NECAB3: variants seen among roughly 807,000 people sequenced by gnomAD.
NECAB3 encodes the protein N-terminal EF-hand calcium-binding protein 3.
A neutral mutation model predicts 57.2 loss-of-function variants in NECAB3; 38 were observed. The observed-to-expected ratio is 0.66, with a 90% confidence interval of 0.51 to 0.87. The LOEUF is 0.87. Ranked by LOEUF, NECAB3 falls within the 40% of genes least tolerant of loss-of-function variation. The pLI, the probability that NECAB3 is intolerant of heterozygous loss-of-function variation, is 0.00. For missense variants in NECAB3, 474 were observed against 527.5 expected (o/e 0.90, Z 0.99); for synonymous variants, 223 against 222.6 (o/e 1.00, Z -0.02).
At chr20:33,674,827 GGTCCGT>G (rs1312128124), upstream of NECAB3, 2 of 152,290 alleles carry the variant, frequency 1.3e-5, no homozygotes, top group Admixed American at 6.5e-5. Flanking sequence ...GAAGCCCACA[GGTCCGT>G]GCGGCCGAAT....
Position 33,662,597 on chromosome 20 carries a change from G to A in NECAB3, c.388-2202C>T. The A allele has an allele frequency of 1.2e-5, 14 of 1,130,858 alleles. No homozygotes were observed. In the South Asian group the frequency reaches 1.6e-4, roughly 13 times the overall value. 70.1% of individuals were successfully genotyped at this position (1,130,858 alleles called of 1,614,324 possible). On this transcript the variant is annotated intron_variant, in intron 5 of 11. Coordinates refer to ENST00000246190, the MANE Select transcript of NECAB3 (RefSeq NM_031232.4). Reference sequence around the variant, plus strand: ...TGCAGAAGTCCTAGGGGGTGAGGGAGGAATTCGAAAATCTCTCCCAAGGAT... The same window carrying A: ...TGCAGAAGTCCTAGGGGGTGAGGGAAGAATTCGAAAATCTCTCCCAAGGAT...
Position 33,660,285 on chromosome 20 carries a change from G to A in NECAB3, c.498C>T (p.Thr166=). The A allele has an allele frequency of 6.2e-7, 1 of 1,613,216 alleles. No individual in the cohort carries two copies. The highest frequency in any genetic ancestry group is 1.1e-5 in the South Asian group (1 of 91,082). Residue 166 remains threonine (T), a synonymous_variant, in exon 6 of 12, where the codon ACC becomes ACT. Coordinates refer to ENST00000246190, the MANE Select transcript of NECAB3 (RefSeq NM_031232.4). The surrounding 1 kb of genome is among the most constrained non-coding windows in gnomAD (Gnocchi z 4.1). ...LQSSLEGASD[T]LEAQAHGWRS... ...GCCAGCCATGGGCCTGGGCCTCCAG[G>A]GTATCTGACGCCCCCTCCAGCGAGC...
rs1280962203 is a variant in NECAB3 at position 33,663,380 on chromosome 20, C to T, written c.388-2985G>A. Reference sequence around the variant, plus strand: ...CCCGCGGCCTGAATTGGACAGGGGTCCCCTCCAGCCCTGTGCACGAGAGGA... The same window carrying T: ...CCCGCGGCCTGAATTGGACAGGGGTTCCCTCCAGCCCTGTGCACGAGAGGA... On this transcript the variant is annotated intron_variant, in intron 5 of 11. Transcript: ENST00000246190. The T allele has an allele frequency of 2.3e-5, 18 of 793,432 alleles. No homozygotes were observed. The East Asian group carries it at 5.6e-4, about 25-fold the overall frequency. 49.1% of individuals were successfully genotyped at this position (793,432 alleles called of 1,614,324 possible).
chr20:33,674,140 G>A lies in NECAB3; in HGVS notation c.129+84C>T, dbSNP rs1255017468. The A allele has an allele frequency of 5.8e-6, 7 of 1,200,922 alleles. No individual in the cohort carries two copies. The East Asian group carries it at 2.0e-4, about 35-fold the overall frequency. The allele number at this position is 1,200,922 out of a possible 1,614,324, so 74.4% of individuals were successfully genotyped here. On this transcript the variant is annotated intron_variant, in intron 1 of 11. Transcript: ENST00000246190. ...AGAGGGGAAGAGACCCAGAAACAGC[G>A]GCGGGGCCCGAACAACCCCGGAGGG...
intron 1 of NECAB3, 118 bp downstream of exon 1, chr20:33,674,106 G>C (rs764594199): frequency 5.8e-5 from 62 of 1,072,800 alleles, no homozygotes; most frequent in Non-Finnish European, 6.7e-5. Context: ...GAAAACAGCA[G>C]GGCCAGAGAG....
rs2017329780 is a variant in NECAB3, at chr20:33,657,780, A to AGAGG, written c.*45_*48dup. 9 of 1,492,784 alleles carry AGAGG rather than the reference A, an allele frequency of 6.0e-6. No homozygotes were observed. Among genetic ancestry groups the AGAGG allele is most frequent in the Non-Finnish European group, 8.1e-6 (9 of 1,116,934 alleles). The allele number at this position is 1,492,784 out of a possible 1,614,324, so 92.5% of individuals were successfully genotyped here. On this transcript the variant is annotated 3_prime_UTR_variant, in exon 12 of 12. Transcript: ENST00000246190. ...TGGGCTGGCCAGTCCAGAAGGCTCC[A>AGAGG]GAGGGAGGCAGGCAGGGTCCCGGGG...
intron 5 of NECAB3, chr20:33,667,746 C>T: frequency 6.2e-7 from 1 of 1,612,526 alleles, no homozygotes; most frequent in Non-Finnish European, 8.5e-7. Flanking sequence ...TCAAGAAGCG[C>T]AGCTGCTACG....
chr20:33,667,911 G>A (rs765577847), intron 5 of NECAB3: 3 of 1,572,214 alleles, frequency 1.9e-6, no homozygotes, highest in Non-Finnish European at 2.6e-6. Flanking sequence ...AGGCTGAGCA[G>A]GGGCTGCCCG....
chr20:33,672,246 C>T (rs144954826), intron 2 of NECAB3, 152 bp downstream of exon 2: 3 of 916,444 alleles, frequency 3.3e-6, no homozygotes, highest in Non-Finnish European at 3.5e-6. Context: ...AACAGCACTT[C>T]CTCTGGGAAG....
At chr20:33,661,860 A>T (rs1038471506) in intron 5 of NECAB3, among the ~76,000 whole-genome samples, 1 of 152,220 alleles carries the variant, frequency 6.6e-6, no homozygotes, top group Non-Finnish European at 1.5e-5. Context: ...TATGTTGCCC[A>T]GGCTGGACTC....
At chr20:33,667,497 C>T in intron 5 of NECAB3, 4 of 1,491,686 alleles carry the variant, frequency 2.7e-6, no homozygotes, top group Non-Finnish European at 2.7e-6. Flanking sequence ...CCGCGTGCCA[C>T]ATGGCTAGCA....
chr20:33,671,081 A>G (rs1348495795), intron 2 of NECAB3, among the ~76,000 whole-genome samples: 1 of 152,172 alleles, frequency 6.6e-6, no homozygotes, highest in Non-Finnish European at 1.5e-5. Context: ...CAAGTGAAAA[A>G]ACAAGCAACA....
Position 33,660,479 on chromosome 20 carries a change from G to T in NECAB3, c.388-84C>A. The stretch of plus-strand genomic sequence containing the variant: ...GGTCCCCTGCCTCTTGCCCATCAGA[G>T]CAGCGGTGGCAGTGCCAAGAGCAGG... On this transcript the variant is annotated intron_variant, in intron 5 of 11. Transcript: ENST00000246190. The surrounding 1 kb of genome is among the most constrained non-coding windows in gnomAD (Gnocchi z 4.1). 6.5e-7 allele frequency: 1 copy of T among 1,539,706 alleles called. No homozygotes were observed. The highest frequency in any genetic ancestry group is 8.8e-7 in the Non-Finnish European group (1 of 1,134,938).
chr20:33,674,231 A>T lies in NECAB3; in HGVS notation c.122T>A (p.Phe41Tyr). The change falls in exon 1 of 12, where the codon TTC becomes TAC. Residue 41 changes from phenylalanine to tyrosine, a missense_variant. Physicochemically the swap from Phe to Tyr is conservative, Grantham distance 22. Transcript: ENST00000246190. ...GAGCCCGCGCCCACTCACGTCCTGG[A>T]AGAGCGTGTGTCCGGCGGGCCCCGG... Reference protein sequence around the residue: ...PDPGPAGHTLFQDVFRRADKN... With the variant: ...PDPGPAGHTLYQDVFRRADKN... 8.0e-7 allele frequency: 1 copy of T among 1,250,332 alleles called. No individual in the cohort carries two copies. The highest frequency in any genetic ancestry group is 1.0e-6 in the Non-Finnish European group (1 of 997,678). 77.5% of individuals were successfully genotyped at this position (1,250,332 alleles called of 1,614,324 possible). A position where few individuals can be genotyped will look rare whatever the true frequency, so the allele number is the denominator to read the frequency against.
intron 5 of NECAB3, chr20:33,668,209 A>T: frequency 6.2e-7 from 1 of 1,603,086 alleles, no homozygotes; most frequent in Non-Finnish European, 8.5e-7. Flanking sequence ...GTGTGGCTCC[A>T]GGCTGCTGTA....
At chr20:33,666,158 T>C (rs2017644094) in intron 5 of NECAB3, among the ~76,000 whole-genome samples, 2 of 151,988 alleles carry the variant, frequency 1.3e-5, no homozygotes, top group South Asian at 4.2e-4. Flanking sequence ...CCCATAAAGG[T>C]AGGGCCAGAG....
At position 33,668,060 on chromosome 20, in the gene NECAB3, G is replaced by A. The variant is rs373830306; in HGVS notation, c.387+1315C>T. ...GACAAGGAGCTGGAGGCGCAGTGCC[G>A]GCGGCACGGCTACGCGGCCCTGCGG... On this transcript the variant is annotated intron_variant, in intron 5 of 11. Transcript: ENST00000246190. 1.3e-6 allele frequency: 2 copies of A among 1,568,154 alleles called. No individual in the cohort carries two copies. Among genetic ancestry groups the A allele is most frequent in the East Asian group, 2.4e-5 (1 of 42,052 alleles).
intron 5 of NECAB3, chr20:33,663,447 G>A: frequency 7.0e-7 from 1 of 1,431,374 alleles, no homozygotes; most frequent in Non-Finnish European, 9.4e-7. Flanking sequence ...GTGGACGAGG[G>A]TCCCAGGAGA....
At chr20:33,664,465 C>A in intron 5 of NECAB3, 1 of 189,358 alleles carries the variant, frequency 5.3e-6, no homozygotes, top group East Asian at 1.3e-4. Context: ...CATTCAGGCC[C>A]CCCAGTCTTC....
Sources: gnomAD v4.1 joint callset for allele counts (sites outside exome capture counted in the v4.1 genomes callset) on GRCh38, gnomAD v4.1.1 for gene constraint, Gnocchi (gnomAD v3.1) non-coding constraint, MANE v1.5 for transcripts, NCBI Gene and HGNC (gene_info 2026-07-23, HGNC 2026-07-21) for gene names.